Variants in PVT1 observed in about 807,000 individuals in gnomAD.
The protein encoded by PVT1 is CXCR4/PVT1 fusion.
At chr8:128,018,401 C>T (rs935373378) in intron 4 of PVT1, among the ~76,000 whole-genome samples, 3 of 152,170 alleles carry the variant, frequency 2.0e-5, no homozygotes, top group African/African-American at 7.2e-5. Context: ...CTGTTAGGCT[C>T]CTGGAAGCCC....
intron 2 of PVT1, among the ~76,000 whole-genome samples, chr8:127,798,769 G>A (rs1463084282): frequency 1.3e-5 from 2 of 151,646 alleles, no homozygotes; most frequent in Non-Finnish European, 2.9e-5. Flanking sequence ...CTAGCTACTC[G>A]GGAGGCTGAG....
intron 4 of PVT1, among the ~76,000 whole-genome samples, chr8:128,031,442 T>A (rs1389056850): frequency 6.6e-6 from 1 of 152,144 alleles, no homozygotes; most frequent in East Asian, 1.9e-4. Context: ...ACGGGGAGCA[T>A]TTCTGGGCCC....
intron 3 of PVT1, among the ~76,000 whole-genome samples, chr8:127,939,184 C>A (rs1054643663): frequency 1.3e-5 from 2 of 152,222 alleles, no homozygotes; most frequent in South Asian, 2.1e-4. Context: ...TCCTCACCTG[C>A]CTTCTCACTT....
chr8:127,864,623 C>G (rs1168084738), intron 2 of PVT1, among the ~76,000 whole-genome samples: 1 of 152,144 alleles, frequency 6.6e-6, no homozygotes, highest in Non-Finnish European at 1.5e-5. Context: ...TCTCGGCTCA[C>G]TGCCAGCTCC....
At chr8:127,875,869 T>G (rs1314244667) in intron 2 of PVT1, among the ~76,000 whole-genome samples, 3 of 152,212 alleles carry the variant, frequency 2.0e-5, no homozygotes, top group Admixed American at 6.5e-5. Context: ...TCTTCTCCCT[T>G]TCAGCAACCA....
intron 4 of PVT1, among the ~76,000 whole-genome samples, chr8:128,065,224 C>T (rs778571053): frequency 4.5e-4 from 68 of 152,018 alleles, no homozygotes; most frequent in Non-Finnish European, 9.3e-4. Context: ...CACAATTTCA[C>T]TCTGTCTCCC....
rs547511107 is a variant in PVT1 at position 128,001,682 on chromosome 8, A to C, written n.912+12391A>C. Among the ~76,000 whole-genome samples, 7 of 152,310 alleles carry C rather than the reference A, an allele frequency of 4.6e-5. No individual in the cohort carries two copies. In the South Asian group the frequency reaches 6.2e-4, roughly 14 times the overall value. On this transcript the variant is annotated intron_variant and non_coding_transcript_variant, in intron 4 of 10. Transcript: ENST00000651587. ...TCATCCATGTGGGCTGCTGTAACAA[A>C]ATCCCATAAACTGGGTGGTTTACAA...
chr8:127,914,954 C>T (rs1468989032), intron 3 of PVT1, among the ~76,000 whole-genome samples: 1 of 151,626 alleles, frequency 6.6e-6, no homozygotes. Flanking sequence ...GCCTCCTGAG[C>T]GGTTAGGGTT....
intron 2 of PVT1, among the ~76,000 whole-genome samples, chr8:127,810,624 G>C (rs917637947): frequency 1.2e-4 from 18 of 152,212 alleles, no homozygotes; most frequent in Non-Finnish European, 2.5e-4. Flanking sequence ...AGAGGCAGCA[G>C]GTGAATGTGG....
chr8:128,040,996 T>G (rs1813525070), intron 4 of PVT1, among the ~76,000 whole-genome samples: 1 of 150,998 alleles, frequency 6.6e-6, no homozygotes, highest in South Asian at 2.1e-4. Flanking sequence ...TGTGTGTGTT[T>G]ATGCTTTTGT....
chr8:128,076,430 G>C (rs1055481026), intron 5 of PVT1, among the ~76,000 whole-genome samples: 2 of 152,126 alleles, frequency 1.3e-5, no homozygotes, highest in Non-Finnish European at 1.5e-5. Flanking sequence ...GGCAAGGAAT[G>C]TATTGTCTTC....
chr8:127,927,410 G>C (rs78300994), intron 3 of PVT1, among the ~76,000 whole-genome samples: 1,555 of 152,216 alleles, frequency 0.01, 26 homozygotes, highest in African/African-American at 0.035. Flanking sequence ...TTCCTCCTGG[G>C]TTGCTCTTCC....
rs185951583 is a variant in PVT1, at chr8:127,856,757, A to T, written n.373-33832A>T. Reference sequence around the variant, plus strand: ...TGTCATTATCCCCATTCAATAGATAAGGAAATTAAGGTTTAGAGAGTCACA... The same window carrying T: ...TGTCATTATCCCCATTCAATAGATATGGAAATTAAGGTTTAGAGAGTCACA... On this transcript the variant is annotated intron_variant and non_coding_transcript_variant, in intron 2 of 10. Transcript: ENST00000651587. Among the ~76,000 whole-genome samples the T allele has an allele frequency of 8.8e-4, 134 of 152,372 alleles. 1 individual carries two copies. The highest frequency in any genetic ancestry group is 3.2e-3 in the African/African-American group (132 of 41,578).
intron 3 of PVT1, among the ~76,000 whole-genome samples, chr8:127,918,680 C>T (rs1266382659): frequency 1.3e-5 from 2 of 152,180 alleles, no homozygotes; most frequent in Non-Finnish European, 2.9e-5. Flanking sequence ...CCATACAGCT[C>T]CTCTAGCTTT....
intron 3 of PVT1, among the ~76,000 whole-genome samples, chr8:127,894,973 C>T (rs1815657617): frequency 1.3e-5 from 2 of 152,224 alleles, no homozygotes; most frequent in Admixed American, 6.5e-5. Flanking sequence ...AACGATAGCA[C>T]TTTACAATCC....
Position 127,881,440 on chromosome 8 carries a change from A to AT in PVT1, n.373-9147dup, listed in dbSNP as rs1481178515. 2.1e-5 allele frequency among the ~76,000 whole-genome samples: 3 copies of AT among 140,318 alleles called. No homozygotes were observed. In the East Asian group the frequency reaches 5.9e-4, roughly 28 times the overall value. The allele number at this position is 140,318 out of a possible 152,430, so 92.1% of individuals were successfully genotyped here. A position where few individuals can be genotyped will look rare whatever the true frequency, so the allele number is the denominator to read the frequency against. On this transcript the variant is annotated intron_variant and non_coding_transcript_variant, in intron 2 of 10. Coordinates refer to ENST00000651587, the Ensembl canonical transcript of PVT1. Reference sequence around the variant, plus strand: ...TTATTAATATTATTGTTATTATATTATTATTATTATTATTATTATTATTAT... The same window carrying AT: ...TTATTAATATTATTGTTATTATATTATTTATTATTATTATTATTATTATTAT...
chr8:127,899,958 C>G (rs1250893785), intron 3 of PVT1, among the ~76,000 whole-genome samples: 1 of 152,222 alleles, frequency 6.6e-6, no homozygotes, highest in African/African-American at 2.4e-5. Context: ...CGTATTCCCA[C>G]CCAAGGATTA....
At chr8:127,802,002 G>A (rs565977985) in intron 2 of PVT1, among the ~76,000 whole-genome samples, 6 of 151,666 alleles carry the variant, frequency 4.0e-5, no homozygotes, top group South Asian at 2.1e-4. Flanking sequence ...TGCAACTTCC[G>A]CCTCCCGGGT....
intron 2 of PVT1, among the ~76,000 whole-genome samples, chr8:127,806,526 C>G (rs975498439): frequency 6.6e-6 from 1 of 151,960 alleles, no homozygotes. Context: ...CTAACAAAGT[C>G]AGGTTTTGGA....
Sources: gnomAD v4.1 joint callset for allele counts (sites outside exome capture counted in the v4.1 genomes callset) on GRCh38, gnomAD v4.1.1 for gene constraint, MANE v1.5 for transcripts, NCBI Gene and HGNC (gene_info 2026-07-23, HGNC 2026-07-21) for gene names.